Variants in ZNF506 observed in about 807,000 individuals in gnomAD.
The protein encoded by ZNF506 is zinc finger protein 506.
Under a neutral mutation model 11.6 loss-of-function variants are expected in ZNF506, and 10 were observed. The observed-to-expected ratio is 0.86, with a 90% confidence interval of 0.53 to 1.46. The LOEUF (loss-of-function observed/expected upper bound fraction) is 1.46. Ranked by LOEUF, ZNF506 falls within the 40% of genes most tolerant of loss-of-function variation. ZNF506 has a pLI of 0.00. For synonymous variants in ZNF506, 156 were observed against 173.3 expected (o/e 0.90, Z 0.78); for missense variants, 425 against 521.2 (o/e 0.82, Z 1.80).
At chr19:19,815,358 AGT>A (rs1175612497) in intron 1 of ZNF506, among the ~76,000 whole-genome samples, 1 of 152,172 alleles carries the variant, frequency 6.6e-6, no homozygotes, top group Non-Finnish European at 1.5e-5. Flanking sequence ...GTCAATGTCT[AGT>A]GTGTGTGTTC....
chr19:19,803,262 G>A (rs1381627478), intron 3 of ZNF506, among the ~76,000 whole-genome samples: 1 of 152,200 alleles, frequency 6.6e-6, no homozygotes, highest in Non-Finnish European at 1.5e-5. Context: ...GAGACCTGGA[G>A]GAAGGTGCCC....
intron 1 of ZNF506, among the ~76,000 whole-genome samples, chr19:19,807,925 C>T (rs1254517726): frequency 6.6e-6 from 1 of 151,756 alleles, no homozygotes; most frequent in African/African-American, 2.4e-5. Flanking sequence ...ATTTTCTAGC[C>T]TATAAACAAA....
At chr19:19,798,790 A>C (rs997385839) in intron 3 of ZNF506, 3 of 152,044 alleles carry the variant, frequency 2.0e-5, no homozygotes, top group African/African-American at 7.2e-5. Context: ...TACAAGAATC[A>C]AAACAATTAT....
chr19:19,799,358 T>A, intron 3 of ZNF506: 1 of 539,402 alleles, frequency 1.9e-6, no homozygotes, highest in Non-Finnish European at 3.3e-6. Flanking sequence ...AAAAAACAAT[T>A]ATTTCTAATG....
intron 1 of ZNF506, among the ~76,000 whole-genome samples, chr19:19,815,807 T>C (rs1473572125): frequency 4.6e-5 from 7 of 152,318 alleles, no homozygotes; most frequent in Non-Finnish European, 2.9e-5. Context: ...CCATAACCTC[T>C]CTGAAGTTCA....
Position 19,795,074 on chromosome 19 carries a change from G to C in ZNF506, c.813C>G (p.Thr271=), listed in dbSNP as rs1380708525. Reference sequence around the variant, plus strand: ...TATGAATTTTCTTATGTGAAAAAAGGGTTGCAGGGTGGTTAAAAGCTTTGC... The same window carrying C: ...TATGAATTTTCTTATGTGAAAAAAGCGTTGCAGGGTGGTTAAAAGCTTTGC... The part of the protein sequence containing the change: ...ECGKAFNHPA[T]LFSHKKIHTG... Residue 271 remains threonine, a synonymous_variant, in exon 4 of 4, where the codon ACC becomes ACG. Transcript: ENST00000540806. 3 of 1,613,742 alleles carry C rather than the reference G, an allele frequency of 1.9e-6. No homozygotes were observed. The highest frequency in any genetic ancestry group is 1.7e-6 in the Non-Finnish European group (2 of 1,179,918).
intron 1 of ZNF506, chr19:19,820,351 ACT>A: frequency 6.6e-6 from 1 of 152,320 alleles, no homozygotes; most frequent in South Asian, 2.1e-4. Context: ...TGCCAATTAA[ACT>A]CTGATTACAT....
intron 3 of ZNF506, among the ~76,000 whole-genome samples, chr19:19,804,275 T>C (rs10414794): frequency 7.2e-5 from 11 of 152,136 alleles, no homozygotes; most frequent in African/African-American, 2.7e-4. Context: ...GGGCAAAGGA[T>C]ATGAACAGAC....
intron 3 of ZNF506, chr19:19,798,672 A>AG (rs2062765992): frequency 6.7e-6 from 1 of 150,174 alleles, no homozygotes; most frequent in African/African-American, 2.4e-5. Flanking sequence ...AAAAAAAAAA[A>AG]AAAAGAAAAT....
chr19:19,798,577 C>T (rs2062763492), intron 3 of ZNF506: 1 of 147,072 alleles, frequency 6.8e-6, no homozygotes, highest in Non-Finnish European at 1.5e-5. Flanking sequence ...ATGGTGTGAA[C>T]CCGGGAGGCG....
intron 3 of ZNF506, 38 bp downstream of exon 3, chr19:19,805,993 C>A (rs769764838): frequency 6.6e-7 from 1 of 1,525,118 alleles, no homozygotes; most frequent in South Asian, 1.2e-5. Flanking sequence ...GGACCTCTAT[C>A]TGTGTTGTCT....
intron 1 of ZNF506, among the ~76,000 whole-genome samples, chr19:19,813,255 A>C (rs1277366416): frequency 6.6e-6 from 1 of 152,194 alleles, no homozygotes; most frequent in East Asian, 1.9e-4. Flanking sequence ...TATCTACTAT[A>C]ACAATTTGGT....
At chr19:19,798,834 CTATT>C (rs1244505790) in intron 3 of ZNF506, 2 of 151,714 alleles carry the variant, frequency 1.3e-5, no homozygotes, top group African/African-American at 4.8e-5. Flanking sequence ...TTTCAGAAAA[CTATT>C]TAAATATAAT....
At chr19:19,810,943 A>G (rs2062878527) in intron 1 of ZNF506, among the ~76,000 whole-genome samples, 1 of 152,216 alleles carries the variant, frequency 6.6e-6, no homozygotes, top group African/African-American at 2.4e-5. Flanking sequence ...GTCTCCAAAA[A>G]GGGTGAATCT....
At chr19:19,815,721 C>T (rs2062925507) in intron 1 of ZNF506, among the ~76,000 whole-genome samples, 1 of 152,224 alleles carries the variant, frequency 6.6e-6, no homozygotes, top group Admixed American at 6.5e-5. Context: ...GCAACATTGT[C>T]CTCATGGCAG....
rs1180358145 is a variant in ZNF506, at chr19:19,793,597, T to C, written c.*955A>G. ...GCTGATTTCAGAATAAATATTCTTC[T>C]TTAAAGGCTTATATTTTCTGAAAGA... is the stretch of plus-strand genomic sequence containing the variant. On this transcript the variant is annotated 3_prime_UTR_variant, in exon 4 of 4. Coordinates refer to ENST00000540806, the MANE Select transcript of ZNF506 (RefSeq NM_001099269.3). 3.3e-5 allele frequency among the ~76,000 whole-genome samples: 5 copies of C among 152,232 alleles called. No homozygotes were observed. The highest frequency in any genetic ancestry group is 1.2e-4 in the African/African-American group (5 of 41,468).
In ZNF506 at chr19:19,806,116, G is replaced by A; in HGVS notation, c.141C>T (p.Val47=). 6.2e-7 allele frequency: 1 copy of A among 1,602,832 alleles called. No individual in the cohort carries two copies. Among genetic ancestry groups the A allele is most frequent in the Non-Finnish European group, 8.5e-7 (1 of 1,176,356 alleles). The change falls in exon 3 of 4, where the codon GTC becomes GTT. Residue 47 remains valine, a synonymous_variant. Coordinates refer to ENST00000540806, the MANE Select transcript of ZNF506 (RefSeq NM_001099269.3). ...GACAGGTGATCAGGTTTGGTTTAGA[G>A]ACAACAATACCTGTTTTATTAAGAA... ...YRNLIFLGIV[V]SKPNLITCLE...
At chr19:19,809,648 C>A (rs1323451757) in intron 1 of ZNF506, among the ~76,000 whole-genome samples, 2 of 152,144 alleles carry the variant, frequency 1.3e-5, no homozygotes, top group Non-Finnish European at 2.9e-5. Flanking sequence ...AGAAGAGATT[C>A]AGGAACAATG....
chr19:19,806,718 G>A (rs1028464277), intron 2 of ZNF506, among the ~76,000 whole-genome samples: 28 of 152,128 alleles, frequency 1.8e-4, no homozygotes, highest in African/African-American at 6.8e-4. Flanking sequence ...CCACTAATTT[G>A]GAGTGAAGAA....
Sources: gnomAD v4.1 joint callset for allele counts (sites outside exome capture counted in the v4.1 genomes callset) on GRCh38, gnomAD v4.1.1 for gene constraint, MANE v1.5 for transcripts, NCBI Gene and HGNC (gene_info 2026-07-23, HGNC 2026-07-21) for gene names.